The following KCTD16 variants were observed in gnomAD, a reference collection of about 807,000 sequenced individuals.
KCTD16 encodes potassium channel tetramerization domain containing 16.
Under a neutral mutation model 33.2 loss-of-function variants are expected in KCTD16, and 13 were observed. The ratio of observed to expected loss-of-function variants is 0.39; its 90% CI spans 0.25 to 0.62. The LOEUF (loss-of-function observed/expected upper bound fraction) is 0.62, where lower values mean the gene tolerates loss of function less well. KCTD16 is among the 20% of genes least tolerant of loss of function. The pLI is 0.50. For synonymous variants in KCTD16, 197 were observed against 195.3 expected (o/e 1.01, Z -0.07); for missense variants, 441 against 525.1 (o/e 0.84, Z 1.57).
At chr5:144,376,280 T>C (rs537413126) in intron 3 of KCTD16, among the ~76,000 whole-genome samples, 4 of 152,334 alleles carry the variant, frequency 2.6e-5, no homozygotes, top group South Asian at 4.1e-4. Flanking sequence ...AGGGTATTCA[T>C]TGTATACTTT....
At chr5:144,465,180 C>CT (rs1554096430) in intron 3 of KCTD16, among the ~76,000 whole-genome samples, 1 of 106,392 alleles carries the variant, frequency 9.4e-6, no homozygotes, top group African/African-American at 3.7e-5. Flanking sequence ...TAGTCTCTCT[C>CT]TCCCCCCCCT....
Position 144,207,017 on chromosome 5 carries a change from A to T in KCTD16, c.303A>T (p.Pro101=). The change falls in exon 3 of 4, where the codon CCA becomes CCT. Residue 101 remains proline (P), a synonymous_variant. Coordinates refer to ENST00000512467, the MANE Select transcript of KCTD16 (RefSeq NM_020768.4). ...DRQVVLPDHF[P]EKGRLKREAE... is the part of the protein sequence containing the mutation. ...AGGTGGTCCTGCCTGATCACTTTCC[A>T]GAAAAAGGAAGACTGAAAAGGGAAG... 1.2e-6 allele frequency: 2 copies of T among 1,614,122 alleles called. No homozygotes were observed. The highest frequency in any genetic ancestry group is 1.7e-6 in the Non-Finnish European group (2 of 1,180,024).
rs1754682436 is a variant in KCTD16 at position 144,480,418 on chromosome 5, A to G, written c.*6304A>G. 1 of 152,032 alleles carries G rather than the reference A, an allele frequency of 6.6e-6. No homozygotes were observed. The highest frequency in any genetic ancestry group is 2.4e-5 in the African/African-American group (1 of 41,434). The allele number at this position is 152,032 out of a possible 1,614,324, so 9.4% of individuals were successfully genotyped here. A position where few individuals can be genotyped will look rare whatever the true frequency, so the allele number is the denominator to read the frequency against. ...CAAACTCATATCCATGTATATAGTGAAGAGTAGCATCTTATTCAAAAAAAG... is the reference window on the plus strand; with the variant it reads ...CAAACTCATATCCATGTATATAGTGGAGAGTAGCATCTTATTCAAAAAAAG... On this transcript the variant is annotated 3_prime_UTR_variant, in exon 4 of 4. Transcript: ENST00000512467.
At position 144,476,922 on chromosome 5, in the gene KCTD16, T is replaced by C. The variant is rs1389335553; in HGVS notation, c.*2808T>C. ...TGGTTTACTTCTCGAACATTGGTTA[T>C]GACAAGGGCCATAAATTGCTAATAT... is the stretch of plus-strand genomic sequence containing the variant. On this transcript the variant is annotated 3_prime_UTR_variant, in exon 4 of 4. Transcript: ENST00000512467. 1 of 152,176 alleles carries C rather than the reference T, an allele frequency of 6.6e-6. No individual in the cohort carries two copies. The highest frequency in any genetic ancestry group is 1.5e-5 in the Non-Finnish European group (1 of 68,028). 9.4% of individuals were successfully genotyped at this position (152,176 alleles called of 1,614,324 possible).
chr5:144,393,752 T>G (rs971350864), intron 3 of KCTD16, among the ~76,000 whole-genome samples: 1 of 152,138 alleles, frequency 6.6e-6, no homozygotes, highest in Non-Finnish European at 1.5e-5. Context: ...GACTTGTAGG[T>G]TGCAGGAAGA....
At chr5:144,180,948 T>A (rs1378725975) in intron 2 of KCTD16, among the ~76,000 whole-genome samples, 1 of 152,056 alleles carries the variant, frequency 6.6e-6, no homozygotes, top group African/African-American at 2.4e-5. Flanking sequence ...TTTTTTTTTT[T>A]TTGAGACGGA....
At chr5:144,407,267 G>A (rs1431478386) in intron 3 of KCTD16, among the ~76,000 whole-genome samples, 1 of 149,256 alleles carries the variant, frequency 6.7e-6, no homozygotes, top group African/African-American at 2.5e-5. Context: ...GAAGAGATAA[G>A]GCAGAAAACA....
At chr5:144,270,812 C>T (rs867673563) in intron 3 of KCTD16, among the ~76,000 whole-genome samples, 1 of 151,580 alleles carries the variant, frequency 6.6e-6, no homozygotes, top group Non-Finnish European at 1.5e-5. Flanking sequence ...ACTCAAATTA[C>T]TAAAATCAGA....
chr5:144,333,661 T>C (rs1034789114), intron 3 of KCTD16, among the ~76,000 whole-genome samples: 1 of 152,120 alleles, frequency 6.6e-6, no homozygotes, highest in Non-Finnish European at 1.5e-5. Context: ...ACAACTCAGC[T>C]CTGTTTCATG....
chr5:144,301,384 G>C (rs545403530), intron 3 of KCTD16, among the ~76,000 whole-genome samples: 8 of 152,216 alleles, frequency 5.3e-5, no homozygotes, highest in African/African-American at 1.9e-4. Context: ...TAAGACCAGA[G>C]GTAAGAAGAA....
At chr5:144,396,190 C>G (rs1009472273) in intron 3 of KCTD16, among the ~76,000 whole-genome samples, 2 of 152,044 alleles carry the variant, frequency 1.3e-5, no homozygotes, top group African/African-American at 4.8e-5. Context: ...TAGGTGTTCT[C>G]CTTGAAGAGC....
rs117539162 is a variant in KCTD16, at chr5:144,340,350, C to A, written c.832+132804C>A. The stretch of plus-strand genomic sequence containing the variant: ...CCGGGAGGCGTAGCTTGCAGTGAGC[C>A]TAGAGTGCGTCACTGCACTCCAGCC... On this transcript the variant is annotated intron_variant, in intron 3 of 3. Coordinates refer to ENST00000512467, the MANE Select transcript of KCTD16 (RefSeq NM_020768.4). Among the ~76,000 whole-genome samples, 408 of 146,206 alleles carry A rather than the reference C, an allele frequency of 2.8e-3. 17 individuals are homozygous for A. The East Asian group carries it at 0.071, about 25-fold the overall frequency.
At chr5:144,315,963 T>C (rs1288154593) in intron 3 of KCTD16, among the ~76,000 whole-genome samples, 2 of 151,976 alleles carry the variant, frequency 1.3e-5, no homozygotes, top group South Asian at 2.1e-4. Context: ...TGTAACTTTA[T>C]AGTGGGGTAA....
intron 3 of KCTD16, among the ~76,000 whole-genome samples, chr5:144,393,948 T>A (rs1752507322): frequency 6.6e-6 from 1 of 151,282 alleles, no homozygotes; most frequent in Non-Finnish European, 1.5e-5. Flanking sequence ...CTTTTCCTTT[T>A]TTTCTTTCTT....
intron 1 of KCTD16, among the ~76,000 whole-genome samples, chr5:144,171,399 T>C (rs1015851816): frequency 1.3e-5 from 2 of 152,056 alleles, no homozygotes; most frequent in Non-Finnish European, 2.9e-5. Flanking sequence ...AAGAGAACAA[T>C]GTGTGCAAGA....
chr5:144,211,257 T>C (rs969129519), intron 3 of KCTD16, among the ~76,000 whole-genome samples: 1 of 152,188 alleles, frequency 6.6e-6, no homozygotes, highest in Non-Finnish European at 1.5e-5. Context: ...AGCTTGACTT[T>C]AACAAGCTTC....
intron 3 of KCTD16, among the ~76,000 whole-genome samples, chr5:144,364,326 A>T (rs1443879042): frequency 6.6e-6 from 1 of 152,172 alleles, no homozygotes; most frequent in East Asian, 1.9e-4. Context: ...TGTTAGAAAA[A>T]AAAAGTTACT....
At chr5:144,176,387 CTTTTTTT>C (rs368578231) in intron 2 of KCTD16, among the ~76,000 whole-genome samples, 22 of 106,678 alleles carry the variant, frequency 2.1e-4, no homozygotes, top group Admixed American at 1.4e-3. Context: ...TATAGTGTTT[CTTTTTTT>C]TTTTTTTTTT....
At chr5:144,213,284 A>C (rs932822518) in intron 3 of KCTD16, among the ~76,000 whole-genome samples, 1 of 151,964 alleles carries the variant, frequency 6.6e-6, no homozygotes, top group Non-Finnish European at 1.5e-5. Context: ...CAAAGTGGTA[A>C]AATGTCCATC....
Sources: gnomAD v4.1 joint callset for allele counts (sites outside exome capture counted in the v4.1 genomes callset) on GRCh38, gnomAD v4.1.1 for gene constraint, MANE v1.5 for transcripts, NCBI Gene and HGNC (gene_info 2026-07-23, HGNC 2026-07-21) for gene names.